RIOK2: variants seen among roughly 807,000 people sequenced by gnomAD.
The protein encoded by RIOK2 is RIO kinase 2, also known as serine/threonine-protein kinase RIO2.
Under a neutral mutation model 62.4 loss-of-function variants are expected in RIOK2, and 46 were observed. That is an observed-to-expected ratio of 0.74 (90% CI 0.58 to 0.94). The LOEUF (loss-of-function observed/expected upper bound fraction) is 0.94. Ranked by LOEUF, RIOK2 falls within the 40% of genes least tolerant of loss-of-function variation. The pLI is 0.00. For synonymous variants in RIOK2, 197 were observed against 216.0 expected, an observed-to-expected ratio of 0.91 and a Z score of 0.77; for missense variants, 574 against 658.0, an observed-to-expected ratio of 0.87 and a Z score of 1.40.
At position 97,183,215 on chromosome 5, in the gene RIOK2, T is replaced by C. The variant is rs541708044; in HGVS notation, c.-24A>G. 13 of 1,613,920 alleles carry C rather than the reference T, an allele frequency of 8.1e-6. 1 individual carries two copies. The highest frequency in any genetic ancestry group is 1.3e-5 in the African/African-American group (1 of 75,028). ...ATGGCGGCCCCAGTCCGAACCCAGA[T>C]GCCTCTCCGACGACAGCCGCAAAGC... is the stretch of plus-strand genomic sequence containing the variant. On this transcript the variant is annotated 5_prime_UTR_variant, in exon 1 of 10. Transcript: ENST00000283109.
Position 97,183,126 on chromosome 5 carries a change from C to T in RIOK2, c.66G>A (p.Ala22=). The T allele has an allele frequency of 6.2e-7, 1 of 1,614,114 alleles. No individual in the cohort carries two copies. Among genetic ancestry groups the T allele is most frequent in the Non-Finnish European group, 8.5e-7 (1 of 1,179,964 alleles). The part of the protein sequence containing the change: ...MSRDDFRVLT[A]VEMGMKNHEI... ...AGAACAGGAACGGCGGGTTTCTTAC[C>T]GCGGTCAAGACCCTGAAGTCATCTC... The change falls in exon 1 of 10, where the codon GCG becomes GCA. Residue 22 remains alanine, a splice_region_variant and synonymous_variant. Transcript: ENST00000283109.
chr5:97,177,424 T>TC (rs1749200506), intron 3 of RIOK2, 133 bp from the exon 4 acceptor site: 2 of 840,536 alleles, frequency 2.4e-6, no homozygotes, highest in Admixed American at 3.1e-5. Flanking sequence ...TCCCTCCTTA[T>TC]CCAAAACCTT....
At chr5:97,171,547 C>T in intron 5 of RIOK2, 150 bp from the exon 6 acceptor site, 1 of 437,674 alleles carries the variant, frequency 2.3e-6, no homozygotes. Flanking sequence ...GATATAATAT[C>T]TCCCATCTAT....
intron 5 of RIOK2, among the ~76,000 whole-genome samples, chr5:97,172,185 G>T (rs1426894815): frequency 6.6e-6 from 1 of 151,946 alleles, no homozygotes; most frequent in African/African-American, 2.4e-5. Flanking sequence ...TCTCATCTAG[G>T]TTAATGGTTT....
At chr5:97,177,091 C>T (rs753389750) in intron 4 of RIOK2, 25 bp downstream of exon 4, 2 of 1,593,888 alleles carry the variant, frequency 1.3e-6, no homozygotes, top group South Asian at 1.1e-5. Flanking sequence ...CTAAAAAATG[C>T]ATGACTACAA....
chr5:97,164,148 C>T (rs1228927902), intron 9 of RIOK2, among the ~76,000 whole-genome samples: 1 of 151,908 alleles, frequency 6.6e-6, no homozygotes, highest in Non-Finnish European at 1.5e-5. Context: ...CACCTTGGCC[C>T]CCAAAGTGCT....
In RIOK2 at chr5:97,167,623, G is replaced by T; in HGVS notation, c.1241C>A (p.Thr414Asn). 6.2e-7 allele frequency: 1 copy of T among 1,614,192 alleles called. No homozygotes were observed. Among genetic ancestry groups the T allele is most frequent in the South Asian group, 1.1e-5 (1 of 91,078 alleles). Reference sequence around the variant, plus strand: ...TCTGTTTTTCTCCTCAGAAAATTCAGTTACAGAGTTGTTTTCAACAACCTG... The same window carrying T: ...TCTGTTTTTCTCCTCAGAAAATTCATTTACAGAGTTGTTTTCAACAACCTG... Reference protein sequence around the residue: ...KGQVVENNSVTEFSEEKNRTE... With the variant: ...KGQVVENNSVNEFSEEKNRTE... Residue 414 changes from threonine to asparagine, a missense_variant, in exon 8 of 10, where the codon ACT (threonine) becomes AAT (asparagine). Thr to Asn is a moderately conservative substitution (Grantham distance 65, BLOSUM62 0). Coordinates refer to ENST00000283109, the MANE Select transcript of RIOK2 (RefSeq NM_018343.3).
In RIOK2 at chr5:97,167,501, A is replaced by AG. The variant is rs1372911356; in HGVS notation, c.1362dup (p.Ser456ValfsTer5). The stretch of plus-strand genomic sequence containing the variant: ...CTGAATTCTCTATTTAATGACGACA[A>AG]GGCAATTAGATGAGGGCATTCATCT... On this transcript the variant is annotated frameshift_variant, in exon 8 of 10. Transcript: ENST00000283109. LOFTEE classifies it high-confidence loss of function. The AG allele has an allele frequency of 6.2e-7, 1 of 1,614,060 alleles. No individual in the cohort carries two copies. The highest frequency in any genetic ancestry group is 1.7e-5 in the Admixed American group (1 of 60,008).
At position 97,162,167 on chromosome 5, in the gene RIOK2, C is replaced by T. The variant is rs1176638813; in HGVS notation, c.*894G>A. The T allele has an allele frequency of 6.6e-6, 1 of 152,030 alleles. No homozygotes were observed. The highest frequency in any genetic ancestry group is 1.5e-5 in the Non-Finnish European group (1 of 68,008). 9.4% of individuals were successfully genotyped at this position (152,030 alleles called of 1,614,324 possible). A position where few individuals can be genotyped will look rare whatever the true frequency, so the allele number is the denominator to read the frequency against. ...GCCATCTAGTGGCCATTTTTCGCTG[C>T]AAGTGATCCCCTTTTCCGACTTATG... is the stretch of plus-strand genomic sequence containing the variant. On this transcript the variant is annotated 3_prime_UTR_variant, in exon 10 of 10. Coordinates refer to ENST00000283109, the MANE Select transcript of RIOK2 (RefSeq NM_018343.3).
intron 5 of RIOK2, among the ~76,000 whole-genome samples, chr5:97,172,297 CA>C (rs551682491): frequency 9.4e-4 from 143 of 152,310 alleles, no homozygotes; most frequent in Middle Eastern, 3.4e-3. Flanking sequence ...TCCCACCCTC[CA>C]ACTCCAAAAT....
At position 97,162,358 on chromosome 5, in the gene RIOK2, A is replaced by G. The variant is rs1185540076; in HGVS notation, c.*703T>C. The G allele has an allele frequency of 6.6e-6, 1 of 152,228 alleles. No individual in the cohort carries two copies. The highest frequency in any genetic ancestry group is 2.4e-5 in the African/African-American group (1 of 41,422). The allele number at this position is 152,228 out of a possible 1,614,324, so 9.4% of individuals were successfully genotyped here. A position where few individuals can be genotyped will look rare whatever the true frequency, so the allele number is the denominator to read the frequency against. On this transcript the variant is annotated 3_prime_UTR_variant, in exon 10 of 10. Transcript: ENST00000283109. The stretch of plus-strand genomic sequence containing the variant: ...AACATGTTCCGGACCCACTTATATA[A>G]TAAGCATATGAGAAAGAACATTTCA...
intron 3 of RIOK2, 49 bp downstream of exon 3, chr5:97,177,683 C>A: frequency 8.6e-7 from 1 of 1,160,492 alleles, no homozygotes; most frequent in South Asian, 1.4e-5. Flanking sequence ...GAAGGGAAAA[C>A]ATAAACTAAA....
chr5:97,175,727 C>T (rs1749146057), intron 4 of RIOK2, among the ~76,000 whole-genome samples: 1 of 152,160 alleles, frequency 6.6e-6, no homozygotes, highest in African/African-American at 2.4e-5. Context: ...CCTCAAGAAA[C>T]AGGTGTTCAC....
At chr5:97,169,308 A>G (rs1171731019) in intron 6 of RIOK2, among the ~76,000 whole-genome samples, 1 of 152,222 alleles carries the variant, frequency 6.6e-6, no homozygotes, top group East Asian at 1.9e-4. Context: ...TTAAACAGTT[A>G]AGTTTGGAGA....
rs371704558 is a variant in RIOK2 at position 97,179,158 on chromosome 5, G to A, written c.102C>T (p.Pro34=). The A allele has an allele frequency of 2.4e-5, 38 of 1,613,484 alleles. No homozygotes were observed. The highest frequency in any genetic ancestry group is 1.3e-4 in the African/African-American group (10 of 74,862). ...EMGMKNHEIV[P]GSLIASIASL... ...TGGCTATAGAAGCAATCAAACTGCC[G>A]GGAACAATTTCATGGTTCTTCATGC... is the stretch of plus-strand genomic sequence containing the variant. The change falls in exon 2 of 10, where the codon CCC becomes CCT. Residue 34 remains proline, a synonymous_variant. Coordinates refer to ENST00000283109, the MANE Select transcript of RIOK2 (RefSeq NM_018343.3).
At position 97,177,005 on chromosome 5, in the gene RIOK2, G is replaced by A. The variant is rs1485656145; in HGVS notation, c.498+111C>T. The A allele has an allele frequency of 1.0e-5, 9 of 899,258 alleles. No individual in the cohort carries two copies. The South Asian group carries it at 1.0e-4, about 10-fold the overall frequency. The allele number at this position is 899,258 out of a possible 1,614,324, so 55.7% of individuals were successfully genotyped here. On this transcript the variant is annotated intron_variant, in intron 4 of 9. Transcript: ENST00000283109. ...GATTGAGTCTGTCTGTAGGAATTGA[G>A]TCTAAGGTTAGAGAGATGTGGGGAC...
chr5:97,161,362 T>TATC lies in RIOK2; in HGVS notation c.*1696_*1698dup, dbSNP rs1219068016. The TATC allele has an allele frequency of 2.0e-5, 3 of 152,240 alleles. No homozygotes were observed. The highest frequency in any genetic ancestry group is 4.4e-5 in the Non-Finnish European group (3 of 68,042). 9.4% of individuals were successfully genotyped at this position (152,240 alleles called of 1,614,324 possible). ...GTTTTAAAATGTGAGGGTTATAGCT[T>TATC]ATCTGTTAGGACAAACTCTCTAACT... On this transcript the variant is annotated 3_prime_UTR_variant, in exon 10 of 10. Coordinates refer to ENST00000283109, the MANE Select transcript of RIOK2 (RefSeq NM_018343.3).
At chr5:97,163,773 A>T (rs1308662030) in intron 9 of RIOK2, among the ~76,000 whole-genome samples, 2 of 152,230 alleles carry the variant, frequency 1.3e-5, no homozygotes, top group Non-Finnish European at 2.9e-5. Flanking sequence ...GTTCACAATG[A>T]CCTTTTCTTT....
chr5:97,167,395 T>C, intron 8 of RIOK2, 72 bp downstream of exon 8: 1 of 1,540,072 alleles, frequency 6.5e-7, no homozygotes, highest in Non-Finnish European at 8.7e-7. Flanking sequence ...GAAAAAAACA[T>C]TCTTTTACTA....
Sources: gnomAD v4.1 joint callset for allele counts (sites outside exome capture counted in the v4.1 genomes callset) on GRCh38, gnomAD v4.1.1 for gene constraint, MANE v1.5 for transcripts, NCBI Gene and HGNC (gene_info 2026-07-23, HGNC 2026-07-21) for gene names.